The following TTN variants were observed in gnomAD, a reference collection of about 807,000 sequenced individuals.
TTN encodes the protein titin.
A neutral mutation model predicts 3,223.0 loss-of-function variants in TTN; 1,525 were observed. That is an observed-to-expected ratio of 0.47 (90% CI 0.45 to 0.49). The LOEUF (loss-of-function observed/expected upper bound fraction) is 0.49, where lower values mean the gene tolerates loss of function less well. Ranked by LOEUF, TTN falls within the 20% of genes least tolerant of loss-of-function variation. TTN has a pLI of 0.00. For missense variants in TTN, 40,786 were observed against 43,424.0 expected (o/e 0.94, Z 5.40); for synonymous variants, 14,094 against 15,161.0 (o/e 0.93, Z 5.17).
In TTN at chr2:178,727,132, G is replaced by A. The variant is rs756864644; in HGVS notation, c.20233C>T (p.Pro6745Ser). The A allele has an allele frequency of 1.3e-5, 21 of 1,599,944 alleles. No homozygotes were observed. In the South Asian group the frequency reaches 2.3e-4, roughly 17 times the overall value. ...SGDFICEAQNPAGSTSCSTKV... is the reference protein window; with the variant it reads ...SGDFICEAQNSAGSTSCSTKV... ...GTACTGCAGCTTGTGCTGCCAGCGG[G>A]ATTCTGAGCCTCACAAATGAAATCT... is the stretch of plus-strand genomic sequence containing the variant. Residue 6745 changes from proline to serine, a missense_variant, in exon 69 of 363, where the codon CCC becomes TCC. Transcript: ENST00000589042.
chr2:178,677,639 C>A lies in TTN; in HGVS notation c.34273G>T (p.Val11425Leu). 3 of 1,611,246 alleles carry A rather than the reference C, an allele frequency of 1.9e-6. No homozygotes were observed. The highest frequency in any genetic ancestry group is 2.7e-5 in the African/African-American group (2 of 74,786). The stretch of plus-strand genomic sequence containing the variant: ...GCTATACCTGGTGCAGGTACTGGCA[C>A]CTTAGGTTTAACTTCTGGAAGGACT... ...EEVLPEVKPK[V>L]PVPAPVPEVP... Residue 11425 changes from valine (V) to leucine (L), a missense_variant, in exon 146 of 363, where the codon GTG becomes TTG. Coordinates refer to ENST00000589042, the MANE Select transcript of TTN (RefSeq NM_001267550.2).
In TTN at chr2:178,541,597, A is replaced by G; in HGVS notation, c.97493-13T>C. The G allele has an allele frequency of 6.3e-7, 1 of 1,597,660 alleles. No individual in the cohort carries two copies. The highest frequency in any genetic ancestry group is 2.3e-5 in the East Asian group (1 of 44,336). On this transcript the variant is annotated splice_polypyrimidine_tract_variant and intron_variant, in intron 349 of 362. Coordinates refer to ENST00000589042, the MANE Select transcript of TTN (RefSeq NM_001267550.2). ...GGTCCAGGAATACCTGCAGCAAGAC[A>G]GAGGTTAACACGATATGGCAATATG...
chr2:178,584,409 G>C lies in TTN; in HGVS notation c.65142C>G (p.Val21714=), dbSNP rs1575973571. The C allele has an allele frequency of 6.8e-6, 11 of 1,613,318 alleles. No individual in the cohort carries two copies. The highest frequency in any genetic ancestry group is 8.5e-6 in the Non-Finnish European group (10 of 1,179,522). The stretch of plus-strand genomic sequence containing the variant: ...CAGCACAAGGATATTCAGTTGACCG[G>C]ACAAGAGTATCATTGGCTTTCACCC... ...LLWVKANDTL[V]RSTEYPCAGL... is the part of the protein sequence containing the mutation. The change falls in exon 311 of 363, where the codon GTC becomes GTG. Residue 21714 remains valine (V), a synonymous_variant. Coordinates refer to ENST00000589042, the MANE Select transcript of TTN (RefSeq NM_001267550.2).
In TTN at chr2:178,581,578, G is replaced by C; in HGVS notation, c.66690C>G (p.Phe22230Leu). ...CAATCTTATTAACGGCATACACACG[G>C]AATTGATATTGTGTGTCTTCCATCA... is the stretch of plus-strand genomic sequence containing the variant. ...TGLMEDTQYQ[F>L]RVYAVNKIGY... is the part of the protein sequence containing the mutation. The change falls in exon 316 of 363, where the codon TTC becomes TTG. Residue 22230 changes from phenylalanine (F) to leucine (L), a missense_variant. Physicochemically the swap from Phe to Leu is conservative, Grantham distance 22. Transcript: ENST00000589042. The C allele has an allele frequency of 1.2e-6, 2 of 1,612,474 alleles. No homozygotes were observed. Among genetic ancestry groups the C allele is most frequent in the Non-Finnish European group, 1.7e-6 (2 of 1,178,988 alleles).
rs199784966 is a variant in TTN at position 178,571,536 on chromosome 2, T to C, written c.74596A>G (p.Thr24866Ala). The change falls in exon 326 of 363, where the codon ACA (threonine) becomes GCA (alanine). Residue 24866 changes from threonine to alanine, a missense_variant. Transcript: ENST00000589042. ...WQIVSATVAR[T>A]TIKACRLKTG... ...TTCAGTCTGCAAGCCTTTATTGTTG[T>C]CCTTGCAACTGTAGCTGATACAATT... 1.1e-4 allele frequency: 179 copies of C among 1,613,290 alleles called. No individual in the cohort carries two copies. The African/African-American group carries it at 2.3e-3, about 21-fold the overall frequency.
rs780265134 is a variant in TTN at position 178,535,740 on chromosome 2, A to G, written c.100875T>C (p.Pro33625=). Residue 33625 remains proline (P), a synonymous_variant, in exon 358 of 363, where the codon CCT becomes CCC. Coordinates refer to ENST00000589042, the MANE Select transcript of TTN (RefSeq NM_001267550.2). ...IKIPFSGKPD[P]VITWQKGQDL... ...CTTGTCCTTTCTGCCAGGTGATCACAGGATCTGGTTTGCCACTGAAAGGAA... is the reference window on the plus strand; with the variant it reads ...CTTGTCCTTTCTGCCAGGTGATCACGGGATCTGGTTTGCCACTGAAAGGAA... The G allele has an allele frequency of 8.1e-6, 13 of 1,613,770 alleles. No homozygotes were observed. In the South Asian group the frequency reaches 9.9e-5, roughly 12 times the overall value.
chr2:178,684,600 C>A, intron 131 of TTN, 66 bp downstream of exon 131: 1 of 1,518,372 alleles, frequency 6.6e-7, no homozygotes, highest in Non-Finnish European at 9.0e-7. Context: ...ACCCAAAGAA[C>A]AGCAGCAGAG....
intron 242 of TTN, among the ~76,000 whole-genome samples, chr2:178,623,924 A>T (rs1290153444): frequency 1.3e-5 from 2 of 151,854 alleles, no homozygotes; most frequent in Non-Finnish European, 2.9e-5. Flanking sequence ...CCAGGGCCTC[A>T]CTCCATCTTC....
chr2:178,597,485 TATA>T, intron 294 of TTN, 50 bp downstream of exon 294: 1 of 1,550,062 alleles, frequency 6.5e-7, no homozygotes, highest in South Asian at 1.2e-5. Context: ...TTTGTGTAAA[TATA>T]ATAAGAATGT....
intron 98 of TTN, among the ~76,000 whole-genome samples, chr2:178,710,315 C>G (rs2076470021): frequency 6.6e-6 from 1 of 152,092 alleles, no homozygotes; most frequent in Admixed American, 6.5e-5. Flanking sequence ...GTCATGGTGG[C>G]AGGCGCCTGT....
chr2:178,677,839 A>G lies in TTN; in HGVS notation c.34073T>C (p.Val11358Ala). The G allele has an allele frequency of 6.2e-7, 1 of 1,612,448 alleles. No individual in the cohort carries two copies. Among genetic ancestry groups the G allele is most frequent in the Non-Finnish European group, 8.5e-7 (1 of 1,179,054 alleles). Residue 11358 changes from valine (V) to alanine (A), a missense_variant, in exon 146 of 363, where the codon GTT becomes GCT. Val to Ala is a moderately conservative substitution (Grantham distance 64). Coordinates refer to ENST00000589042, the MANE Select transcript of TTN (RefSeq NM_001267550.2). ...EEEVLFEEEIVPEEEVLPEEE... is the reference protein window; with the variant it reads ...EEEVLFEEEIAPEEEVLPEEE... ...CTCAGGTAGAACTTCCTCTTCAGGAACAATTTCTTCTTCAAATAGAACTTC... is the reference window on the plus strand; with the variant it reads ...CTCAGGTAGAACTTCCTCTTCAGGAGCAATTTCTTCTTCAAATAGAACTTC...
rs1414305945 is a variant in TTN, at chr2:178,587,555, C to G, written c.63754G>C (p.Ala21252Pro). Reference sequence around the variant, plus strand: ...TTTACGAATACAGCCTTTTCTCCTGCTGGGTTCACAAGTGTTAAGGAATAT... The same window carrying G: ...TTTACGAATACAGCCTTTTCTCCTGGTGGGTTCACAAGTGTTAAGGAATAT... ...GKYSLTLVNP[A>P]GEKAVFVNVR... Residue 21252 changes from alanine (A) to proline (P), a missense_variant, in exon 306 of 363, where the codon GCA becomes CCA. Coordinates refer to ENST00000589042, the MANE Select transcript of TTN (RefSeq NM_001267550.2). 1 of 1,611,058 alleles carries G rather than the reference C, an allele frequency of 6.2e-7. No homozygotes were observed. The highest frequency in any genetic ancestry group is 8.5e-7 in the Non-Finnish European group (1 of 1,178,526).
At position 178,692,010 on chromosome 2, in the gene TTN, G is replaced by A. The variant is rs554057582; in HGVS notation, c.31762+6C>T. The A allele has an allele frequency of 1.2e-6, 2 of 1,609,682 alleles. No individual in the cohort carries two copies. Among genetic ancestry groups the A allele is most frequent in the East Asian group, 2.2e-5 (1 of 44,854 alleles). On this transcript the variant is annotated splice_donor_region_variant and intron_variant, in intron 121 of 362. Transcript: ENST00000589042. The stretch of plus-strand genomic sequence containing the variant: ...AAGAGTCTCCCCATCATTGGCTCTG[G>A]CGTACCTTTTGGGGGAGCAGCAGGT...
At chr2:178,542,136 TAGAA>T (rs1694882796) in intron 349 of TTN, 124 bp downstream of exon 349, 3 of 1,017,290 alleles carry the variant, frequency 2.9e-6, no homozygotes, top group Admixed American at 2.9e-5. Flanking sequence ...TTAGAAACCT[TAGAA>T]AGACCACAGG....
In TTN at chr2:178,570,372, C is replaced by A; in HGVS notation, c.75760G>T (p.Val25254Leu). The change falls in exon 326 of 363, where the codon GTG (valine) becomes TTG (leucine). Residue 25254 changes from valine to leucine, a missense_variant. Physicochemically the swap from Val to Leu is conservative, Grantham distance 32. Coordinates refer to ENST00000589042, the MANE Select transcript of TTN (RefSeq NM_001267550.2). ...AGAGTCTGCACATTGGCATCAACCA[C>A]AGTCCAAACTAAGCGGCTGGTTTCT... ...RRETSRLVWT[V>L]VDANVQTLSC... The A allele has an allele frequency of 1.9e-6, 3 of 1,613,276 alleles. No homozygotes were observed. The highest frequency in any genetic ancestry group is 1.7e-6 in the Non-Finnish European group (2 of 1,179,618).
In TTN at chr2:178,635,209, G is replaced by A. The variant is rs201232835; in HGVS notation, c.41980C>T (p.Pro13994Ser). The A allele has an allele frequency of 1.2e-5, 19 of 1,613,156 alleles. No individual in the cohort carries two copies. Among genetic ancestry groups the A allele is most frequent in the Admixed American group, 3.3e-5 (2 of 59,950 alleles). The change falls in exon 228 of 363, where the codon CCT becomes TCT. Residue 13994 changes from proline to serine, a missense_variant. Coordinates refer to ENST00000589042, the MANE Select transcript of TTN (RefSeq NM_001267550.2). ...FDAEISEADI[P>S]GQWKLKGELL... ...TCTCCTTTCAGTTTCCATTGTCCAG[G>A]AATGTCTGCCTCTGAGATTTCTGCA... is the stretch of plus-strand genomic sequence containing the variant.
In TTN at chr2:178,728,283, C is replaced by A. The variant is rs760007747; in HGVS notation, c.19541G>T (p.Trp6514Leu). ...VSGSLPISAQ[W>L]FKDGKEISTS... ...AGATATTTCTTTTCCATCCTTAAAC[C>A]ACTGAGCACTAATGGGAAGTGAACC... The change falls in exon 67 of 363, where the codon TGG (tryptophan) becomes TTG (leucine). Residue 6514 changes from tryptophan (W) to leucine (L), a missense_variant. Transcript: ENST00000589042. The A allele has an allele frequency of 5.2e-5, 84 of 1,613,124 alleles. No individual in the cohort carries two copies. Among genetic ancestry groups the A allele is most frequent in the Non-Finnish European group, 6.7e-5 (79 of 1,179,536 alleles).
chr2:178,652,256 G>T lies in TTN; in HGVS notation c.39211+8C>A. 6.2e-7 allele frequency: 1 copy of T among 1,613,468 alleles called. No homozygotes were observed. Among genetic ancestry groups the T allele is most frequent in the Non-Finnish European group, 8.5e-7 (1 of 1,179,680 alleles). The stretch of plus-strand genomic sequence containing the variant: ...CAATATCAAACACAGCACCATGAGG[G>T]TGTCTACCTTTTGTGGGTGGCACTT... On this transcript the variant is annotated splice_region_variant and intron_variant, in intron 203 of 362. Transcript: ENST00000589042.
Position 178,607,439 on chromosome 2 carries a change from C to T in TTN, c.53249G>A (p.Cys17750Tyr), listed in dbSNP as rs1666217095. The change falls in exon 277 of 363, where the codon TGT becomes TAT. Residue 17750 changes from cysteine (C) to tyrosine (Y), a missense_variant. Coordinates refer to ENST00000589042, the MANE Select transcript of TTN (RefSeq NM_001267550.2). Reference protein sequence around the residue: ...GRYVITATNSCGSKFAAARVE... With the variant: ...GRYVITATNSYGSKFAAARVE... ...CCTGGCTGCTGCAAATTTGGAACCACAGCTATTTGTAGCTGTAATCACATA... is the reference window on the plus strand; with the variant it reads ...CCTGGCTGCTGCAAATTTGGAACCATAGCTATTTGTAGCTGTAATCACATA... 4.3e-6 allele frequency: 7 copies of T among 1,613,178 alleles called. No homozygotes were observed. Among genetic ancestry groups the T allele is most frequent in the Non-Finnish European group, 5.9e-6 (7 of 1,179,402 alleles).
Sources: allele counts gnomAD v4.1 joint callset (sites outside exome capture counted in the v4.1 genomes callset), GRCh38; gene constraint gnomAD v4.1.1; transcripts MANE v1.5; gene names NCBI Gene and HGNC (gene_info 2026-07-23, HGNC 2026-07-21).